EBF2: variants seen among roughly 807,000 people sequenced by gnomAD.
EBF2 encodes the protein EBF transcription factor 2.
In EBF2, 21 loss-of-function variants were observed where a neutral mutation model predicts 72.8. That is an observed-to-expected ratio of 0.29 (90% confidence interval 0.20 to 0.42). The LOEUF (loss-of-function observed/expected upper bound fraction) is 0.42. EBF2 is among the 10% of genes least tolerant of loss of function. The probability of loss-of-function intolerance (pLI) is 1.00; values close to 1 mark genes in which losing one functional copy is unlikely to be tolerated. For missense variants in EBF2, 637 were observed against 731.2 expected (o/e 0.87, Z 1.49); for synonymous variants, 299 against 274.2 (o/e 1.09, Z -0.89).
chr8:25,994,398 A>T (rs1178510792), intron 6 of EBF2, among the ~76,000 whole-genome samples: 1 of 152,210 alleles, frequency 6.6e-6, no homozygotes, highest in East Asian at 1.9e-4. Context: ...ACTAATAGAA[A>T]TATAGGCTAA....
In EBF2 at chr8:25,943,411, G is replaced by C. The variant is rs80065002; in HGVS notation, c.552-34856C>G. 5.2e-4 allele frequency among the ~76,000 whole-genome samples: 79 copies of C among 152,092 alleles called. No individual in the cohort carries two copies. In the East Asian group the frequency reaches 0.015, roughly 29 times the overall value. On this transcript the variant is annotated intron_variant, in intron 6 of 15. Transcript: ENST00000520164. Reference sequence around the variant, plus strand: ...TGTAGTTCCAGCTACTTGGGAGGCTGAGACAGGAGAATCTCTTGAACCCAG... The same window carrying C: ...TGTAGTTCCAGCTACTTGGGAGGCTCAGACAGGAGAATCTCTTGAACCCAG...
rs567968252 is a variant in EBF2, at chr8:25,948,014, G to A, written c.552-39459C>T. Among the ~76,000 whole-genome samples, 24 of 152,284 alleles carry A rather than the reference G, an allele frequency of 1.6e-4. No homozygotes were observed. In the South Asian group the frequency reaches 4.1e-3, roughly 26 times the overall value. On this transcript the variant is annotated intron_variant, in intron 6 of 15. Coordinates refer to ENST00000520164, the MANE Select transcript of EBF2 (RefSeq NM_022659.4). The stretch of plus-strand genomic sequence containing the variant: ...GATACATGGAAGATGCATAATAAAC[G>A]TGTCCTAAGGCCACGCACGATGCCA...
At chr8:25,956,921 C>T (rs1156364388) in intron 6 of EBF2, among the ~76,000 whole-genome samples, 5 of 152,312 alleles carry the variant, frequency 3.3e-5, no homozygotes, top group African/African-American at 1.2e-4. Flanking sequence ...GTGCTTGTCC[C>T]CAAGGAAACA....
chr8:25,915,320 C>T (rs1459504048), intron 6 of EBF2, among the ~76,000 whole-genome samples: 2 of 151,374 alleles, frequency 1.3e-5, no homozygotes, highest in African/African-American at 4.8e-5. Context: ...CCACGCGGCA[C>T]TGTTTCACAG....
intron 6 of EBF2, among the ~76,000 whole-genome samples, chr8:25,910,007 C>T (rs908067849): frequency 1.3e-5 from 2 of 152,024 alleles, no homozygotes; most frequent in African/African-American, 4.8e-5. Flanking sequence ...TCCTGTGCCC[C>T]GGAGGTGTTG....
At chr8:26,037,533 C>T (rs1213616152) in intron 5 of EBF2, among the ~76,000 whole-genome samples, 2 of 152,198 alleles carry the variant, frequency 1.3e-5, no homozygotes, top group African/African-American at 4.8e-5. Context: ...AAGACACTGG[C>T]CCCACTGCCC....
intron 6 of EBF2, among the ~76,000 whole-genome samples, chr8:25,977,656 G>A (rs1487769379): frequency 6.6e-6 from 1 of 152,168 alleles, no homozygotes; most frequent in Non-Finnish European, 1.5e-5. Context: ...CAAGGAAGTG[G>A]TGGTCCTCTC....
Position 25,886,781 on chromosome 8 carries a change from C to T in EBF2, c.983G>A (p.Gly328Glu). The T allele has an allele frequency of 6.2e-7, 1 of 1,610,716 alleles. No homozygotes were observed. Among genetic ancestry groups the T allele is most frequent in the Non-Finnish European group, 8.5e-7 (1 of 1,178,340 alleles). ...TGTGTAAATGAACCTTCCTGGGGCTCCTTTGCAGAACTGTTTAGATTTATA... is the reference window on the plus strand; with the variant it reads ...TGTGTAAATGAACCTTCCTGGGGCTTCTTTGCAGAACTGTTTAGATTTATA... ...LSYKSKQFCK[G>E]APGRFIYTAL... Residue 328 changes from glycine (G) to glutamate (E), a missense_variant, in exon 10 of 16, where the codon GGA (glycine) becomes GAA (glutamate). By Grantham distance (98) the Gly-to-Glu change is moderately conservative. This residue lies in a region of EBF2 where 204 missense variants were observed against 301.2 expected (regional missense o/e 0.68). Transcript: ENST00000520164.
chr8:25,851,510 C>T (rs1048764246), intron 14 of EBF2, among the ~76,000 whole-genome samples: 18 of 152,076 alleles, frequency 1.2e-4, no homozygotes, highest in African/African-American at 4.1e-4. Context: ...TGAAGTACCC[C>T]ACCTCTTAAT....
chr8:25,949,994 G>A (rs574370056), intron 6 of EBF2, among the ~76,000 whole-genome samples: 59 of 152,302 alleles, frequency 3.9e-4, no homozygotes, highest in African/African-American at 1.3e-3. Context: ...CAACAAGCAC[G>A]AGGCCAAGGA....
chr8:25,849,642 C>CTCTTTTGCTG (rs988619766), intron 15 of EBF2, among the ~76,000 whole-genome samples: 7 of 90,622 alleles, frequency 7.7e-5, no homozygotes, highest in Non-Finnish European at 1.2e-4. Context: ...TTCCAATGTG[C>CTCTTTTGCTG]TCTTTTGCTG....
intron 6 of EBF2, among the ~76,000 whole-genome samples, chr8:25,910,154 T>A (rs1352007573): frequency 6.6e-6 from 1 of 152,068 alleles, no homozygotes; most frequent in Non-Finnish European, 1.5e-5. Flanking sequence ...GTCGTCAGAG[T>A]GCGTTAGAAA....
At chr8:25,933,115 C>G (rs971401001) in intron 6 of EBF2, among the ~76,000 whole-genome samples, 1 of 152,158 alleles carries the variant, frequency 6.6e-6, no homozygotes, top group African/African-American at 2.4e-5. Flanking sequence ...CGTAGGCATG[C>G]TGGAGCGTTC....
intron 6 of EBF2, among the ~76,000 whole-genome samples, chr8:25,949,757 G>A (rs578064903): frequency 6.6e-6 from 1 of 152,298 alleles, no homozygotes; most frequent in Non-Finnish European, 1.5e-5. Context: ...GGAAAAGAAG[G>A]AGAGACAGGT....
chr8:25,950,376 T>G (rs901312763), intron 6 of EBF2, among the ~76,000 whole-genome samples: 5 of 152,184 alleles, frequency 3.3e-5, no homozygotes, highest in African/African-American at 1.2e-4. Flanking sequence ...GTCTCTCAAT[T>G]CCGGTAAAAG....
chr8:25,956,696 G>A (rs1339558368), intron 6 of EBF2, among the ~76,000 whole-genome samples: 1 of 152,218 alleles, frequency 6.6e-6, no homozygotes, highest in Non-Finnish European at 1.5e-5. Context: ...AGAATCAGCA[G>A]AGAAAGTAGA....
intron 8 of EBF2, 97 bp from the exon 9 acceptor site, chr8:25,888,069 C>A: frequency 7.2e-7 from 1 of 1,390,660 alleles, no homozygotes; most frequent in African/African-American, 1.5e-5. Context: ...TTGTCTTGGG[C>A]CACGTATAAA....
At chr8:25,862,681 TCACA>T (rs1290298165) in intron 11 of EBF2, 24 bp downstream of exon 11, 2 of 1,541,720 alleles carry the variant, frequency 1.3e-6, no homozygotes, top group African/African-American at 2.8e-5. Context: ...ACAAATGGCT[TCACA>T]TGTCAATTTC....
chr8:25,944,447 A>C (rs1301389863), intron 6 of EBF2, among the ~76,000 whole-genome samples: 1 of 152,098 alleles, frequency 6.6e-6, no homozygotes, highest in Non-Finnish European at 1.5e-5. Context: ...GTCAATGTAT[A>C]CGGTTTGAAA....
Sources: gnomAD v4.1 joint callset for allele counts (sites outside exome capture counted in the v4.1 genomes callset) on GRCh38, gnomAD v4.1.1 for gene constraint, gnomAD v4.1.1 regional missense constraint, MANE v1.5 for transcripts, NCBI Gene and HGNC (gene_info 2026-07-23, HGNC 2026-07-21) for gene names.